SPATA17: variants seen among roughly 807,000 people sequenced by gnomAD.
SPATA17 encodes the protein spermatogenesis-associated protein 17.
SPATA17 carries 53 observed loss-of-function variants against 62.2 expected under a neutral mutation model. The ratio of observed to expected loss-of-function variants is 0.85; its 90% CI spans 0.68 to 1.07. The LOEUF is 1.07. Among genes scored for constraint, SPATA17 ranks in the 50% least tolerant of loss-of-function variants. The pLI, the probability that SPATA17 is intolerant of heterozygous loss-of-function variation, is 0.00. For missense variants in SPATA17, 466 were observed against 425.5 expected (o/e 1.10, Z -0.84); for synonymous variants, 146 against 146.8 (o/e 0.99, Z 0.04).
intron 9 of SPATA17, among the ~76,000 whole-genome samples, chr1:217,805,441 T>C (rs1674410496): frequency 6.6e-6 from 1 of 152,186 alleles, no homozygotes; most frequent in African/African-American, 2.4e-5. Context: ...TCAGTTAGGA[T>C]GAATAGTTCT....
chr1:217,779,899 T>C (rs757742190), intron 7 of SPATA17, among the ~76,000 whole-genome samples: 9 of 152,142 alleles, frequency 5.9e-5, no homozygotes, highest in Admixed American at 2.0e-4. Context: ...TTATGGAAAA[T>C]ACAGCAGAAC....
intron 4 of SPATA17, among the ~76,000 whole-genome samples, chr1:217,672,715 G>T (rs926674047): frequency 3.3e-5 from 5 of 152,000 alleles, no homozygotes; most frequent in Non-Finnish European, 5.9e-5. Context: ...TTTTTAAAGG[G>T]TCACCTTTTC....
intron 5 of SPATA17, among the ~76,000 whole-genome samples, chr1:217,722,778 T>C (rs1159931486): frequency 1.3e-5 from 2 of 152,214 alleles, no homozygotes; most frequent in African/African-American, 4.8e-5. Context: ...TACTGGCCCA[T>C]TGTTTTAATC....
At chr1:217,685,624 T>C (rs992704297) in intron 5 of SPATA17, among the ~76,000 whole-genome samples, 2 of 152,192 alleles carry the variant, frequency 1.3e-5, no homozygotes, top group African/African-American at 4.8e-5. Flanking sequence ...TGCATAGAGC[T>C]ATATTCTATT....
At chr1:217,736,249 C>T (rs1360665237) in intron 5 of SPATA17, among the ~76,000 whole-genome samples, 2 of 152,112 alleles carry the variant, frequency 1.3e-5, no homozygotes, top group Non-Finnish European at 2.9e-5. Flanking sequence ...AGTCACTTCT[C>T]TCTAGTTCTT....
chr1:217,826,215 T>C (rs1674998989), intron 9 of SPATA17, among the ~76,000 whole-genome samples: 2 of 152,132 alleles, frequency 1.3e-5, no homozygotes, highest in African/African-American at 4.8e-5. Context: ...TGGCCTCTTT[T>C]GTATGTACAA....
intron 1 of SPATA17, among the ~76,000 whole-genome samples, chr1:217,637,220 A>C (rs753268759): frequency 6.6e-6 from 1 of 152,226 alleles, no homozygotes; most frequent in Non-Finnish European, 1.5e-5. Flanking sequence ...TAATCTTATA[A>C]GGTTATTTTT....
intron 5 of SPATA17, among the ~76,000 whole-genome samples, chr1:217,688,806 T>G (rs1173392327): frequency 6.6e-6 from 1 of 152,194 alleles, no homozygotes; most frequent in African/African-American, 2.4e-5. Flanking sequence ...CTTATGTGTT[T>G]GTCTTTACCT....
Position 217,663,402 on chromosome 1 carries a change from G to A in SPATA17, c.241-5631G>A, listed in dbSNP as rs190769058. On this transcript the variant is annotated intron_variant, in intron 3 of 10. Coordinates refer to ENST00000366933, the MANE Select transcript of SPATA17 (RefSeq NM_138796.4). ...AGAGGTTGCAGTGAGCCAAGATCCC[G>A]CCATTGCACTCCAGCCTGGGCAACA... Among the ~76,000 whole-genome samples, 1,052 of 150,314 alleles carry A rather than the reference G, an allele frequency of 7.0e-3. 12 individuals are homozygous for A. The highest frequency in any genetic ancestry group is 0.025 in the African/African-American group (1,012 of 40,854).
intron 9 of SPATA17, among the ~76,000 whole-genome samples, chr1:217,808,853 CAAA>C (rs34369449): frequency 3.0e-5 from 3 of 100,280 alleles, no homozygotes; most frequent in Non-Finnish European, 4.2e-5. Context: ...GACTCTGTCT[CAAA>C]AAAAAAAAAA....
chr1:217,734,769 T>A (rs1279412801), intron 5 of SPATA17, among the ~76,000 whole-genome samples: 2 of 152,158 alleles, frequency 1.3e-5, no homozygotes, highest in African/African-American at 4.8e-5. Context: ...AAATTATGAT[T>A]TTTGTGGAAT....
At chr1:217,824,132 G>C (rs1674932053) in intron 9 of SPATA17, among the ~76,000 whole-genome samples, 1 of 151,824 alleles carries the variant, frequency 6.6e-6, no homozygotes, top group Non-Finnish European at 1.5e-5. Context: ...ATTATTGATA[G>C]GTAAGGACTT....
At chr1:217,818,882 C>CTT (rs34580904) in intron 9 of SPATA17, among the ~76,000 whole-genome samples, 12,613 of 125,160 alleles carry the variant, frequency 0.1, 774 homozygotes, top group Admixed American at 0.16. Flanking sequence ...TTTCATTTTC[C>CTT]TTTTTTTTTT....
chr1:217,785,583 A>C (rs530428550), intron 8 of SPATA17, among the ~76,000 whole-genome samples: 1 of 152,322 alleles, frequency 6.6e-6, no homozygotes, highest in South Asian at 2.1e-4. Context: ...CCCTCCACCA[A>C]CAATGGGAAT....
intron 5 of SPATA17, among the ~76,000 whole-genome samples, chr1:217,698,963 T>G (rs899360254): frequency 1.3e-5 from 2 of 152,198 alleles, no homozygotes; most frequent in Non-Finnish European, 2.9e-5. Flanking sequence ...ATAAATGGAG[T>G]GATACTGTTA....
intron 9 of SPATA17, among the ~76,000 whole-genome samples, chr1:217,832,746 C>T (rs1333137045): frequency 6.6e-6 from 1 of 151,938 alleles, no homozygotes; most frequent in Non-Finnish European, 1.5e-5. Context: ...AGTTTGAGAC[C>T]AGCCTGGGCA....
At chr1:217,803,753 C>T (rs2102988729) in intron 9 of SPATA17, among the ~76,000 whole-genome samples, 1 of 152,286 alleles carries the variant, frequency 6.6e-6, no homozygotes, top group East Asian at 1.9e-4. Context: ...CAGGGTGGCT[C>T]ATGCCTGTAA....
At chr1:217,649,907 C>CT (rs1350916108) in intron 2 of SPATA17, among the ~76,000 whole-genome samples, 1 of 148,544 alleles carries the variant, frequency 6.7e-6, no homozygotes, top group African/African-American at 2.5e-5. Context: ...GACATGCAAA[C>CT]TTAAAGTGTG....
intron 9 of SPATA17, among the ~76,000 whole-genome samples, chr1:217,838,189 C>G (rs760127991): frequency 1.3e-5 from 2 of 151,972 alleles, no homozygotes; most frequent in Non-Finnish European, 2.9e-5. Context: ...ATTTGCGGCC[C>G]ACATAGTATT....
Sources: allele counts gnomAD v4.1 joint callset (sites outside exome capture counted in the v4.1 genomes callset), GRCh38; gene constraint gnomAD v4.1.1; transcripts MANE v1.5; gene names NCBI Gene and HGNC (gene_info 2026-07-23, HGNC 2026-07-21).